The following XYLT1 variants were observed in gnomAD, a reference collection of about 807,000 sequenced individuals.
The protein encoded by XYLT1 is beta-D-xylosyltransferase 1.
A neutral mutation model predicts 91.3 loss-of-function variants in XYLT1; 36 were observed. The ratio of observed to expected loss-of-function variants is 0.39; its 90% CI spans 0.30 to 0.52. XYLT1 has a LOEUF of 0.52. Ranked by LOEUF, XYLT1 falls within the 20% of genes least tolerant of loss-of-function variation. The probability of loss-of-function intolerance (pLI) is 0.68; values close to 1 mark genes in which losing one functional copy is unlikely to be tolerated. For synonymous variants in XYLT1, 588 were observed against 532.0 expected, an observed-to-expected ratio of 1.11 and a Z score of -1.45; for missense variants, 1,242 against 1,284.5, an observed-to-expected ratio of 0.97 and a Z score of 0.51.
intron 1 of XYLT1, among the ~76,000 whole-genome samples, chr16:17,365,110 C>T (rs1365710322): frequency 6.6e-6 from 1 of 152,172 alleles, no homozygotes; most frequent in African/African-American, 2.4e-5. Flanking sequence ...CTCTGCACCC[C>T]CAAGAAATTT....
chr16:17,231,439 A>G (rs142610389), intron 3 of XYLT1, among the ~76,000 whole-genome samples: 1 of 152,328 alleles, frequency 6.6e-6, no homozygotes, highest in East Asian at 1.9e-4. Flanking sequence ...ATTTGCAGCC[A>G]CATCAGTTGA....
intron 2 of XYLT1, among the ~76,000 whole-genome samples, chr16:17,353,670 T>C (rs1427124859): frequency 6.6e-6 from 1 of 151,824 alleles, no homozygotes; most frequent in East Asian, 1.9e-4. Flanking sequence ...TCTCTACCCA[T>C]ATATCTAAGT....
At chr16:17,130,158 A>G (rs1639212670) in intron 9 of XYLT1, among the ~76,000 whole-genome samples, 1 of 152,258 alleles carries the variant, frequency 6.6e-6, no homozygotes, top group African/African-American at 2.4e-5. Context: ...AACTATTCCC[A>G]GCCAAGGACC....
At chr16:17,438,426 C>T (rs1421374489) in intron 1 of XYLT1, among the ~76,000 whole-genome samples, 3 of 151,982 alleles carry the variant, frequency 2.0e-5, no homozygotes, top group Admixed American at 6.6e-5. Context: ...GCAACTATGG[C>T]CAAGGTAAAT....
intron 2 of XYLT1, among the ~76,000 whole-genome samples, chr16:17,320,249 C>T (rs547419454): frequency 6.6e-6 from 1 of 152,304 alleles, no homozygotes; most frequent in South Asian, 2.1e-4. Flanking sequence ...TTCCAAAAAC[C>T]TAGCACAGTG....
At chr16:17,171,356 G>A (rs1039316770) in intron 5 of XYLT1, among the ~76,000 whole-genome samples, 9 of 152,122 alleles carry the variant, frequency 5.9e-5, no homozygotes, top group Admixed American at 6.5e-5. Context: ...TTCTCCTTGG[G>A]CAGCTTGCCA....
chr16:17,371,954 C>T (rs774304933), intron 1 of XYLT1, among the ~76,000 whole-genome samples: 3 of 152,162 alleles, frequency 2.0e-5, no homozygotes, highest in Non-Finnish European at 4.4e-5. Context: ...AAAAAAGTTG[C>T]TATGGGATCT....
At chr16:17,316,391 TTTTATTTA>T (rs1017310453) in intron 2 of XYLT1, among the ~76,000 whole-genome samples, 2 of 152,000 alleles carry the variant, frequency 1.3e-5, no homozygotes, top group South Asian at 2.1e-4. Flanking sequence ...ACCCCCTGCT[TTTTATTTA>T]TTTATTTATT....
At chr16:17,135,280 C>T (rs2030671392) in intron 8 of XYLT1, among the ~76,000 whole-genome samples, 1 of 152,178 alleles carries the variant, frequency 6.6e-6, no homozygotes, top group Non-Finnish European at 1.5e-5. Context: ...TTCTTCTGCT[C>T]ACTGCAGTCT....
chr16:17,338,348 T>C (rs1443094255), intron 2 of XYLT1: 2 of 456,398 alleles, frequency 4.4e-6, no homozygotes, highest in Non-Finnish European at 8.8e-6. Context: ...CTACAGTACC[T>C]GGGCCTGTGC....
intron 3 of XYLT1, among the ~76,000 whole-genome samples, chr16:17,254,046 G>A (rs1333730895): frequency 2.0e-5 from 3 of 152,132 alleles, no homozygotes; most frequent in Admixed American, 1.3e-4. Flanking sequence ...CTTGAGCCTC[G>A]ATTTCCTCAC....
intron 2 of XYLT1, among the ~76,000 whole-genome samples, chr16:17,301,920 T>C (rs1233291318): frequency 2.0e-5 from 3 of 151,988 alleles, no homozygotes; most frequent in Admixed American, 6.6e-5. Flanking sequence ...TTCCCTAAAA[T>C]ACATGTCAGG....
intron 10 of XYLT1, among the ~76,000 whole-genome samples, chr16:17,120,818 A>T (rs990607870): frequency 6.6e-6 from 1 of 152,274 alleles, no homozygotes; most frequent in Admixed American, 6.5e-5. Context: ...CTCTATAGAG[A>T]TCTAAAAATA....
intron 1 of XYLT1, among the ~76,000 whole-genome samples, chr16:17,396,311 C>CTTCTGAGTCTGAGCTTCTGA (rs894719297): frequency 2.0e-5 from 3 of 152,144 alleles, no homozygotes; most frequent in Non-Finnish European, 4.4e-5. Context: ...AGAAGCAAAG[C>CTTCTGAGTCTGAGCTTCTGA]GTTATTTGCT....
chr16:17,347,172 A>G (rs1238826097), intron 2 of XYLT1, among the ~76,000 whole-genome samples: 1 of 152,090 alleles, frequency 6.6e-6, no homozygotes, highest in Non-Finnish European at 1.5e-5. Context: ...GACAGTTAAC[A>G]TTTCCTGGAG....
Position 17,134,487 on chromosome 16 carries a change from C to A in XYLT1, c.2013G>T (p.Gly671=), listed in dbSNP as rs763330207. The A allele has an allele frequency of 6.2e-7, 1 of 1,614,098 alleles. No individual in the cohort carries two copies. Among genetic ancestry groups the A allele is most frequent in the South Asian group, 1.1e-5 (1 of 91,084 alleles). Reference sequence around the variant, plus strand: ...ATAGGGCTCACCGGCAGCTGTTCTCCCCATCCGTGTGCAGGGACGTCTCGG... The same window carrying A: ...ATAGGGCTCACCGGCAGCTGTTCTCACCATCCGTGTGCAGGGACGTCTCGG... ...RRAETSLHTD[G]ENSCRYYPMG... The change falls in exon 9 of 12, where the codon GGG becomes GGT. Residue 671 remains glycine (G), a synonymous_variant. Transcript: ENST00000261381.
In XYLT1 at chr16:17,470,562, CTCG is replaced by C; in HGVS notation, c.232_234del (p.Arg78del). ...CCTCCGCCGCCGCCTCCTCCTCCTC[CTCG>C]GGCTGCAGCCGGCTCGGCGGGCAGG... On this transcript the variant is annotated inframe_deletion, in exon 1 of 12. Transcript: ENST00000261381. 8.3e-7 allele frequency: 1 copy of C among 1,211,988 alleles called. No individual in the cohort carries two copies. Among genetic ancestry groups the C allele is most frequent in the Non-Finnish European group, 1.0e-6 (1 of 975,844 alleles). The allele number at this position is 1,211,988 out of a possible 1,614,324, so 75.1% of individuals were successfully genotyped here.
chr16:17,370,169 G>T (rs1012203007), intron 1 of XYLT1, among the ~76,000 whole-genome samples: 1 of 152,154 alleles, frequency 6.6e-6, no homozygotes, highest in African/African-American at 2.4e-5. Context: ...CTGTCTCAAT[G>T]GCTTTGTTTC....
chr16:17,404,338 A>T (rs553071499), intron 1 of XYLT1, among the ~76,000 whole-genome samples: 1 of 152,318 alleles, frequency 6.6e-6, no homozygotes, highest in Admixed American at 6.5e-5. Context: ...ACAGCTGAGG[A>T]TGAGGGCGTG....
Sources: gnomAD v4.1 joint callset for allele counts (sites outside exome capture counted in the v4.1 genomes callset) on GRCh38, gnomAD v4.1.1 for gene constraint, MANE v1.5 for transcripts, NCBI Gene and HGNC (gene_info 2026-07-23, HGNC 2026-07-21) for gene names.